The following FKBP3 variants were observed in gnomAD, a reference collection of about 807,000 sequenced individuals.
The protein encoded by FKBP3 is FKBP prolyl isomerase 3.
In FKBP3, 21 loss-of-function variants were observed where a neutral mutation model predicts 30.6. The ratio of observed to expected loss-of-function variants is 0.69; its 90% confidence interval spans 0.49 to 0.99. The LOEUF is 0.99. FKBP3 is among the 50% of genes least tolerant of loss of function. The probability of loss-of-function intolerance (pLI) is 0.00; values close to 1 mark genes in which losing one functional copy is unlikely to be tolerated. For missense variants in FKBP3, 283 were observed against 261.6 expected (o/e 1.08, Z -0.56); for synonymous variants, 82 against 91.3 (o/e 0.90, Z 0.58).
At chr14:45,134,122 A>G (rs1885301922) in intron 1 of FKBP3, among the ~76,000 whole-genome samples, 1 of 152,158 alleles carries the variant, frequency 6.6e-6, no homozygotes, top group Non-Finnish European at 1.5e-5. Context: ...CTACAATTGC[A>G]GCCTGTGTGC....
In FKBP3 at chr14:45,134,350, G is replaced by A. The variant is rs754854617; in HGVS notation, c.107C>T (p.Ser36Leu). ...CGGCCGCCCCTACGCCTCTGGTACCGAATCTGAACCGTGTTCCTGCAGAAA... is the reference window on the plus strand; with the variant it reads ...CGGCCGCCCCTACGCCTCTGGTACCAAATCTGAACCGTGTTCCTGCAGAAA... ...IKFLQEHGSD[S>L]FLAEHKLLGN... Residue 36 changes from serine to leucine, a missense_variant and splice_region_variant, in exon 1 of 7, where the codon TCG becomes TTG. Physicochemically the swap from Ser to Leu is moderately radical, Grantham distance 145. Transcript: ENST00000396062. 16 of 1,612,438 alleles carry A rather than the reference G, an allele frequency of 9.9e-6. No individual in the cohort carries two copies. The highest frequency in any genetic ancestry group is 1.1e-5 in the South Asian group (1 of 91,036).
rs991080979 is a variant in FKBP3 at position 45,127,712 on chromosome 14, A to C, written c.318+2082T>G. On this transcript the variant is annotated intron_variant, in intron 3 of 6. Coordinates refer to ENST00000396062, the MANE Select transcript of FKBP3 (RefSeq NM_002013.4). ...ATTCTAGACAACACTCAATTACTGA[A>C]GATTTTTCAGCAGGGTGTGGTTTGC... Among the ~76,000 whole-genome samples the C allele has an allele frequency of 2.6e-5, 4 of 152,150 alleles. No homozygotes were observed. The South Asian group carries it at 8.3e-4, about 31-fold the overall frequency.
intron 5 of FKBP3, among the ~76,000 whole-genome samples, chr14:45,119,389 CATG>C (rs1884930365): frequency 6.6e-6 from 1 of 152,014 alleles, no homozygotes; most frequent in African/African-American, 2.4e-5. Context: ...GCCTGACCAA[CATG>C]ATGAAACCCC....
At position 45,134,401 on chromosome 14, in the gene FKBP3, T is replaced by G. The variant is rs569957294; in HGVS notation, c.56A>C (p.Gln19Pro). The change falls in exon 1 of 7, where the codon CAG becomes CCG. Residue 19 changes from glutamine to proline, a missense_variant. Gln to Pro is a moderately conservative substitution (Grantham distance 76). Transcript: ENST00000396062. ...CTTGATAATGTCCTTCTTGGGCAGCTGCTCACTGCGCAGCTGCTCCACGGT... is the reference window on the plus strand; with the variant it reads ...CTTGATAATGTCCTTCTTGGGCAGCGGCTCACTGCGCAGCTGCTCCACGGT... ...AWTVEQLRSEQLPKKDIIKFL... is the reference protein window; with the variant it reads ...AWTVEQLRSEPLPKKDIIKFL... 6.2e-7 allele frequency: 1 copy of G among 1,613,682 alleles called. No individual in the cohort carries two copies. The highest frequency in any genetic ancestry group is 1.1e-5 in the South Asian group (1 of 91,076).
chr14:45,127,661 T>C (rs552089303), intron 3 of FKBP3, among the ~76,000 whole-genome samples: 4 of 152,174 alleles, frequency 2.6e-5, no homozygotes, highest in Non-Finnish European at 5.9e-5. Context: ...CACATATTGT[T>C]AGTAACTACC....
intron 3 of FKBP3, among the ~76,000 whole-genome samples, chr14:45,125,636 T>C (rs1885079661): frequency 6.6e-6 from 1 of 152,222 alleles, no homozygotes; most frequent in African/African-American, 2.4e-5. Context: ...TAAGAGCTAT[T>C]AGACAAGTCT....
intron 5 of FKBP3, among the ~76,000 whole-genome samples, chr14:45,120,073 A>G (rs549131905): frequency 1.3e-5 from 2 of 152,326 alleles, no homozygotes; most frequent in African/African-American, 4.8e-5. Context: ...TGTCTGAACC[A>G]TATCTTAGGA....
chr14:45,116,031 T>G lies in FKBP3; in HGVS notation c.*167A>C. ...TTTAGACCAGGGATTCATAAGGGAT[T>G]TATCTCTCAAAAGCTGGGACCAAGT... On this transcript the variant is annotated 3_prime_UTR_variant, in exon 7 of 7. Transcript: ENST00000396062. 1.8e-6 allele frequency: 1 copy of G among 567,972 alleles called. No individual in the cohort carries two copies. The highest frequency in any genetic ancestry group is 2.8e-5 in the East Asian group (1 of 35,668). The allele number at this position is 567,972 out of a possible 1,614,324, so 35.2% of individuals were successfully genotyped here. A position where few individuals can be genotyped will look rare whatever the true frequency, so the allele number is the denominator to read the frequency against.
chr14:45,134,193 C>A (rs543072781), intron 1 of FKBP3, among the ~76,000 whole-genome samples, 156 bp downstream of exon 1: 34 of 152,348 alleles, frequency 2.2e-4, no homozygotes, highest in East Asian at 7.7e-4. Flanking sequence ...GGGAGCGAGG[C>A]ACCAAAGCAC....
At chr14:45,128,621 A>T (rs1245340923) in intron 3 of FKBP3, among the ~76,000 whole-genome samples, 1 of 152,248 alleles carries the variant, frequency 6.6e-6, no homozygotes, top group Non-Finnish European at 1.5e-5. Flanking sequence ...AAGGAAATGG[A>T]CAAGAGGCTT....
intron 1 of FKBP3, among the ~76,000 whole-genome samples, chr14:45,132,829 C>T (rs992792361): frequency 6.6e-6 from 1 of 152,060 alleles, no homozygotes; most frequent in African/African-American, 2.4e-5. Flanking sequence ...ACATACGATT[C>T]CACATGGCAT....
rs1360329178 is a variant in FKBP3 at position 45,131,889 on chromosome 14, T to C, written c.109-1089A>G. Among the ~76,000 whole-genome samples, 3 of 152,350 alleles carry C rather than the reference T, an allele frequency of 2.0e-5. No homozygotes were observed. The East Asian group carries it at 5.8e-4, about 29-fold the overall frequency. On this transcript the variant is annotated intron_variant, in intron 1 of 6. Coordinates refer to ENST00000396062, the MANE Select transcript of FKBP3 (RefSeq NM_002013.4). Reference sequence around the variant, plus strand: ...CAAGGTAACAGCGGAATTGCTTTTCTTTCAAATATAAGACTGCTAAGATGG... The same window carrying C: ...CAAGGTAACAGCGGAATTGCTTTTCCTTCAAATATAAGACTGCTAAGATGG...
rs1884825814 is a variant in FKBP3 at position 45,116,053 on chromosome 14, A to G, written c.*145T>C. 6 of 592,046 alleles carry G rather than the reference A, an allele frequency of 1.0e-5. No individual in the cohort carries two copies. The highest frequency in any genetic ancestry group is 1.8e-5 in the Non-Finnish European group (6 of 326,032). 36.7% of individuals were successfully genotyped at this position (592,046 alleles called of 1,614,324 possible). A position where few individuals can be genotyped will look rare whatever the true frequency, so the allele number is the denominator to read the frequency against. ...GATTTATCTCTCAAAAGCTGGGACC[A>G]AGTAAACAAATTTTATTAACTCCTT... On this transcript the variant is annotated 3_prime_UTR_variant, in exon 7 of 7. Transcript: ENST00000396062.
In FKBP3 at chr14:45,121,530, C is replaced by T; in HGVS notation, c.409G>A (p.Gly137Arg). 1 of 1,613,354 alleles carries T rather than the reference C, an allele frequency of 6.2e-7. No individual in the cohort carries two copies. Among genetic ancestry groups the T allele is most frequent in the East Asian group, 2.2e-5 (1 of 44,816 alleles). ...KGDVVHCWYT[G>R]TLQDGTVFDT... Reference sequence around the variant, plus strand: ...AAAACAGTCCCATCTTGTAGTGTTCCTGTATACCAGCAGTGAACAACATCT... The same window carrying T: ...AAAACAGTCCCATCTTGTAGTGTTCTTGTATACCAGCAGTGAACAACATCT... The change falls in exon 4 of 7, where the codon GGA becomes AGA. Residue 137 changes from glycine to arginine, a missense_variant. Gly to Arg is a moderately radical substitution (Grantham distance 125, BLOSUM62 -2). Coordinates refer to ENST00000396062, the MANE Select transcript of FKBP3 (RefSeq NM_002013.4).
intron 3 of FKBP3, among the ~76,000 whole-genome samples, chr14:45,126,583 G>T (rs1387699356): frequency 6.6e-6 from 1 of 152,096 alleles, no homozygotes; most frequent in Non-Finnish European, 1.5e-5. Context: ...CCAAGAATAA[G>T]AAATTTGGAT....
At chr14:45,121,392 C>G (rs925724388) in intron 4 of FKBP3, 93 bp downstream of exon 4, 6 of 1,014,822 alleles carry the variant, frequency 5.9e-6, no homozygotes, top group Non-Finnish European at 8.7e-6. Flanking sequence ...AGGTGACAGT[C>G]AGGAAAAAGG....
rs1011704543 is a variant in FKBP3, at chr14:45,117,861, A to G, written c.620+167T>C. ...GAACTTTATATCAATAGAAAATACTATTGCCTATTGGAGGTGCTGACACAT... is the reference window on the plus strand; with the variant it reads ...GAACTTTATATCAATAGAAAATACTGTTGCCTATTGGAGGTGCTGACACAT... On this transcript the variant is annotated intron_variant, in intron 6 of 6. Transcript: ENST00000396062. 5.3e-5 allele frequency among the ~76,000 whole-genome samples: 8 copies of G among 152,174 alleles called. No homozygotes were observed. The South Asian group carries it at 6.2e-4, about 12-fold the overall frequency.
At position 45,115,643 on chromosome 14, in the gene FKBP3, A is replaced by T. The variant is rs1270515330; in HGVS notation, c.*555T>A. ...TTTGGGGGGATCAATTAGTAATATT[A>T]ACCTTATGTTCACCTTTATTAGTGG... is the stretch of plus-strand genomic sequence containing the variant. On this transcript the variant is annotated 3_prime_UTR_variant, in exon 7 of 7. Transcript: ENST00000396062. 6.6e-6 allele frequency: 1 copy of T among 152,636 alleles called. No individual in the cohort carries two copies. Among genetic ancestry groups the T allele is most frequent in the Non-Finnish European group, 1.5e-5 (1 of 68,058 alleles). 9.5% of individuals were successfully genotyped at this position (152,636 alleles called of 1,614,324 possible).
At chr14:45,134,273 G>T in intron 1 of FKBP3, 76 bp downstream of exon 1, 1 of 1,170,888 alleles carries the variant, frequency 8.5e-7, no homozygotes, top group Non-Finnish European at 1.2e-6. Flanking sequence ...AGAGGAATAC[G>T]GAATGTATGG....
Sources: allele counts gnomAD v4.1 joint callset (sites outside exome capture counted in the v4.1 genomes callset), GRCh38; gene constraint gnomAD v4.1.1; transcripts MANE v1.5; gene names NCBI Gene and HGNC (gene_info 2026-07-23, HGNC 2026-07-21).